Variants in STAT5B observed in about 807,000 individuals in gnomAD.
STAT5B encodes the protein signal transducer and activator of transcription 5B.
In STAT5B, 21 loss-of-function variants were observed where a neutral mutation model predicts 107.8. The observed-to-expected ratio is 0.19, with a 90% CI of 0.14 to 0.28. The LOEUF is 0.28. Ranked by LOEUF, STAT5B falls within the 10% of genes least tolerant of loss-of-function variation. The pLI, the probability that STAT5B is intolerant of heterozygous loss-of-function variation, is 1.00. For synonymous variants in STAT5B, 325 were observed against 401.7 expected, an observed-to-expected ratio of 0.81 and a Z score of 2.28; for missense variants, 565 against 1,008.2, an observed-to-expected ratio of 0.56 and a Z score of 5.95.
intron 1 of STAT5B, chr17:42,271,899 A>C (rs538216018): frequency 1.3e-5 from 2 of 152,356 alleles, no homozygotes; most frequent in African/African-American, 4.8e-5. Context: ...AATTGTACAT[A>C]ATTGTGCACC....
intron 16 of STAT5B, 69 bp downstream of exon 16, chr17:42,207,489 A>ACACATG: frequency 4.4e-5 from 1 of 22,972 alleles, no homozygotes; most frequent in Non-Finnish European, 1.1e-4. Flanking sequence ...GCAGGTATGC[A>ACACATG]CACACACACA....
rs1329778622 is a variant in STAT5B at position 42,201,148 on chromosome 17, A to G, written c.*590T>C. On this transcript the variant is annotated 3_prime_UTR_variant, in exon 19 of 19. Coordinates refer to ENST00000293328, the MANE Select transcript of STAT5B (RefSeq NM_012448.4). Reference sequence around the variant, plus strand: ...CTTCCCTTGCCCCAACAATCTTTGTAGGTTGCCCCTTTTCCCATTCCTACC... The same window carrying G: ...CTTCCCTTGCCCCAACAATCTTTGTGGGTTGCCCCTTTTCCCATTCCTACC... The G allele has an allele frequency of 1.2e-5, 5 of 406,732 alleles. No individual in the cohort carries two copies. Among genetic ancestry groups the G allele is most frequent in the Non-Finnish European group, 2.2e-5 (5 of 230,724 alleles). The allele number at this position is 406,732 out of a possible 1,614,324, so 25.2% of individuals were successfully genotyped here. A position where few individuals can be genotyped will look rare whatever the true frequency, so the allele number is the denominator to read the frequency against.
intron 1 of STAT5B, among the ~76,000 whole-genome samples, chr17:42,262,997 T>TATAC: frequency 1.6e-5 from 1 of 64,364 alleles, no homozygotes; most frequent in South Asian, 6.5e-4. Flanking sequence ...TATATATATA[T>TATAC]ATATATATAT....
intron 13 of STAT5B, among the ~76,000 whole-genome samples, chr17:42,211,675 G>C (rs975042129): frequency 2.0e-5 from 3 of 152,008 alleles, no homozygotes; most frequent in Non-Finnish European, 4.4e-5. Flanking sequence ...GAGAGGCCCA[G>C]AGTTCGCATC....
At position 42,217,429 on chromosome 17, in the gene STAT5B, A is replaced by T. The variant is rs1185802989; in HGVS notation, c.1205T>A (p.Val402Asp). The change falls in exon 10 of 19, where the codon GTC becomes GAC. Residue 402 changes from valine (V) to aspartate (D), a missense_variant. Physicochemically the swap from Val to Asp is radical, Grantham distance 152 (BLOSUM62 -3). Coordinates refer to ENST00000293328, the MANE Select transcript of STAT5B (RefSeq NM_012448.4). ...YSGEILNNCCVMEYHQATGTL... is the reference protein window; with the variant it reads ...YSGEILNNCCDMEYHQATGTL... ...GCCTGTGGCTTGGTGGTACTCCATG[A>T]CGCAGCAGTTGTTCAAGATCTCGCC... 4 of 1,614,108 alleles carry T rather than the reference A, an allele frequency of 2.5e-6. No individual in the cohort carries two copies. The South Asian group carries it at 4.4e-5, about 18-fold the overall frequency.
chr17:42,262,912 A>G, intron 1 of STAT5B, among the ~76,000 whole-genome samples: 1 of 121,896 alleles, frequency 8.2e-6, no homozygotes, highest in Non-Finnish European at 1.7e-5. Context: ...ATATGTGTAT[A>G]TATATGTGTG....
Position 42,219,794 on chromosome 17 carries a change from C to T in STAT5B, c.599G>A (p.Arg200Gln), listed in dbSNP as rs779220548. Residue 200 changes from arginine to glutamine, a missense_variant, in exon 6 of 19, where the codon CGG (arginine) becomes CAG (glutamine). Around this residue, in one of 11 missense-constraint regions of STAT5B, gnomAD observed 56 missense variants for 104.5 expected, o/e 0.54. Transcript: ENST00000293328. ...CTGCTTCTGCTGGAGGGCCGTCTCC[C>T]GGCTCAGACGCTCCTGGGGGCTCAG... Reference protein sequence around the residue: ...AQLSPQERLSRETALQQKQVS... With the variant: ...AQLSPQERLSQETALQQKQVS... 23 of 1,613,808 alleles carry T rather than the reference C, an allele frequency of 1.4e-5. No homozygotes were observed. The highest frequency in any genetic ancestry group is 2.2e-5 in the East Asian group (1 of 44,852).
chr17:42,268,616 C>G (rs1387562305), intron 1 of STAT5B: 1 of 152,092 alleles, frequency 6.6e-6, no homozygotes, highest in Non-Finnish European at 1.5e-5. Context: ...CCAGTTCTCA[C>G]TATACATAGC....
At chr17:42,243,074 G>A (rs896149033) in intron 1 of STAT5B, among the ~76,000 whole-genome samples, 2 of 150,478 alleles carry the variant, frequency 1.3e-5, no homozygotes, top group Non-Finnish European at 2.9e-5. Context: ...CTATTGTCCT[G>A]TGACCCTGCC....
In STAT5B at chr17:42,265,395, G is replaced by A. The variant is rs536735439; in HGVS notation, c.-11+10853C>T. On this transcript the variant is annotated intron_variant, in intron 1 of 18. Coordinates refer to ENST00000293328, the MANE Select transcript of STAT5B (RefSeq NM_012448.4). ...TACTCTTCTTTTTTTTTTTTGAGAC[G>A]AAGTCTCGCTCTGTCACCAGGCTGG... 1.7e-4 allele frequency among the ~76,000 whole-genome samples: 12 copies of A among 69,972 alleles called. No individual in the cohort carries two copies. The East Asian group carries it at 5.2e-3, about 31-fold the overall frequency. The allele number at this position is 69,972 out of a possible 152,430, so 45.9% of individuals were successfully genotyped here. A position where few individuals can be genotyped will look rare whatever the true frequency, so the allele number is the denominator to read the frequency against.
At chr17:42,266,415 T>C (rs2144414528) in intron 1 of STAT5B, among the ~76,000 whole-genome samples, 1 of 151,864 alleles carries the variant, frequency 6.6e-6, no homozygotes, top group Middle Eastern at 3.4e-3. Flanking sequence ...AAACCATAAA[T>C]TTTGAGAATA....
At position 42,223,516 on chromosome 17, in the gene STAT5B, T is replaced by C; in HGVS notation, c.416A>G (p.Gln139Arg). ...CGTCTGGTTGATCTGGAGGTGTTTC[T>C]GGGACATGGCATCAGCAAGGCTTCC... ...PAGSLADAMS[Q>R]KHLQINQTFE... The change falls in exon 5 of 19, where the codon CAG becomes CGG. Residue 139 changes from glutamine (Q) to arginine (R), a missense_variant. Gln to Arg is a conservative substitution (Grantham distance 43). Around this residue, in one of 11 missense-constraint regions of STAT5B, gnomAD observed 54 missense variants for 49.7 expected, o/e 1.09. Coordinates refer to ENST00000293328, the MANE Select transcript of STAT5B (RefSeq NM_012448.4). 1 of 1,614,170 alleles carries C rather than the reference T, an allele frequency of 6.2e-7. No individual in the cohort carries two copies. The highest frequency in any genetic ancestry group is 8.5e-7 in the Non-Finnish European group (1 of 1,180,034).
chr17:42,214,871 C>G (rs918546664), intron 12 of STAT5B, among the ~76,000 whole-genome samples: 1 of 152,088 alleles, frequency 6.6e-6, no homozygotes, highest in Non-Finnish European at 1.5e-5. Context: ...CGCCTCAGCC[C>G]CCCCCAAGTA....
Position 42,227,583 on chromosome 17 carries a change from C to T in STAT5B, c.231G>A (p.Gly77=). 1 of 1,613,806 alleles carries T rather than the reference C, an allele frequency of 6.2e-7. No homozygotes were observed. Among genetic ancestry groups the T allele is most frequent in the Non-Finnish European group, 8.5e-7 (1 of 1,179,928 alleles). The change falls in exon 3 of 19, where the codon GGG becomes GGA. Residue 77 remains glycine (G), a synonymous_variant. Coordinates refer to ENST00000293328, the MANE Select transcript of STAT5B (RefSeq NM_012448.4). The part of the protein sequence containing the change: ...ELQKKAEHQV[G]EDGFLLKIKL... ...TGATCTTCAGTAAAAACCCATCTTC[C>T]CCCACCTGGTGCTCTGCCTTCTTCT...
chr17:42,207,789 A>T, intron 15 of STAT5B, 61 bp from the exon 16 acceptor site: 1 of 1,564,366 alleles, frequency 6.4e-7, no homozygotes, highest in South Asian at 1.1e-5. Flanking sequence ...GAAATCTTAA[A>T]ACCCCAACAT....
chr17:42,246,746 C>T (rs1046831709), intron 1 of STAT5B, among the ~76,000 whole-genome samples: 4 of 152,170 alleles, frequency 2.6e-5, no homozygotes, highest in Non-Finnish European at 5.9e-5. Context: ...ATGATCACGC[C>T]GCTATGCTCA....
At chr17:42,216,152 C>A in intron 11 of STAT5B, 46 bp from the exon 12 acceptor site, 9 of 1,479,622 alleles carry the variant, frequency 6.1e-6, no homozygotes, top group Non-Finnish European at 8.3e-6. Context: ...GCCTCAAGTT[C>A]TTCTCCTTCT....
intron 1 of STAT5B, among the ~76,000 whole-genome samples, chr17:42,248,904 A>G (rs1375055697): frequency 6.7e-6 from 1 of 150,346 alleles, no homozygotes; most frequent in African/African-American, 2.5e-5. Context: ...CCAGATAAAA[A>G]CAAAGCAAAT....
chr17:42,221,315 C>T (rs529496993), intron 5 of STAT5B, among the ~76,000 whole-genome samples: 2 of 151,450 alleles, frequency 1.3e-5, no homozygotes, highest in East Asian at 3.9e-4. Context: ...CCTTCCTATG[C>T]AAGGGACCCA....
Sources: gnomAD v4.1 joint callset for allele counts (sites outside exome capture counted in the v4.1 genomes callset) on GRCh38, gnomAD v4.1.1 for gene constraint, gnomAD v4.1.1 regional missense constraint, MANE v1.5 for transcripts, NCBI Gene and HGNC (gene_info 2026-07-23, HGNC 2026-07-21) for gene names.